The following CLNK variants were observed in gnomAD, a reference collection of about 807,000 sequenced individuals.
CLNK encodes the protein cytokine dependent hematopoietic cell linker.
A neutral mutation model predicts 68.6 loss-of-function variants in CLNK; 74 were observed. That is an observed-to-expected ratio of 1.08 (90% CI 0.89 to 1.31). The LOEUF (loss-of-function observed/expected upper bound fraction) is 1.31. Among genes scored for constraint, CLNK ranks in the 50% most tolerant of loss-of-function variants. The pLI is 0.00. For missense variants in CLNK, 553 were observed against 515.3 expected (o/e 1.07, Z -0.71); for synonymous variants, 198 against 172.2 (o/e 1.15, Z -1.17).
rs1442829225 is a variant in CLNK, at chr4:10,507,992, C to T, written c.951G>A (p.Gln317=). 2 of 1,610,698 alleles carry T rather than the reference C, an allele frequency of 1.2e-6. No individual in the cohort carries two copies. The highest frequency in any genetic ancestry group is 2.2e-5 in the East Asian group (1 of 44,864). Reference sequence around the variant, plus strand: ...CCTTCATGAATGCCTCTTCCACTGCCTGGCGGCTGTATTCTCCAATGTACC... The same window carrying T: ...CCTTCATGAATGCCTCTTCCACTGCTTGGCGGCTGTATTCTCCAATGTACC... ...NEWYIGEYSR[Q]AVEEAFMKEN... is the part of the protein sequence containing the mutation. The change falls in exon 17 of 19, where the codon CAG becomes CAA. Residue 317 remains glutamine (Q), a synonymous_variant. Coordinates refer to ENST00000226951, the MANE Select transcript of CLNK (RefSeq NM_052964.4).
the CLNK span, among the ~76,000 whole-genome samples, chr4:10,727,928 T>C: frequency 6.6e-6 from 1 of 152,212 alleles, no homozygotes; most frequent in Admixed American, 6.5e-5. Context: ...CAATTTTTTT[T>C]AACAAGCTCT....
chr4:10,540,763 C>T (rs1718980830), intron 10 of CLNK, among the ~76,000 whole-genome samples, 159 bp from the exon 11 acceptor site: 1 of 152,144 alleles, frequency 6.6e-6, no homozygotes. Flanking sequence ...TGGTCTGGCA[C>T]TGTTTTCTAA....
At chr4:10,522,572 CA>C (rs58663693) in intron 14 of CLNK, among the ~76,000 whole-genome samples, 2,192 of 116,354 alleles carry the variant, frequency 0.019, 60 homozygotes, top group African/African-American at 0.068. Context: ...GAAACTCTCT[CA>C]AAAAAAAAAA....
At chr4:10,672,458 C>A (rs1160847140) in intron 1 of CLNK, among the ~76,000 whole-genome samples, 2 of 152,070 alleles carry the variant, frequency 1.3e-5, no homozygotes, top group African/African-American at 4.8e-5. Context: ...TGAAAAAATA[C>A]CATATCTAAG....
At chr4:10,700,482 C>G in the CLNK span, among the ~76,000 whole-genome samples, 66 of 152,298 alleles carry the variant, frequency 4.3e-4, 1 homozygote, top group East Asian at 0.012. Flanking sequence ...CAGGGGTTCA[C>G]AGTTTCCAAA....
intron 2 of CLNK, among the ~76,000 whole-genome samples, chr4:10,665,684 G>C (rs1200916819): frequency 7.9e-6 from 1 of 125,822 alleles, no homozygotes; most frequent in South Asian, 2.6e-4. Flanking sequence ...AAAAAAAAAA[G>C]GCACAGAAGC....
intron 2 of CLNK, among the ~76,000 whole-genome samples, chr4:10,643,244 TCA>T (rs941763536): frequency 9.9e-5 from 15 of 152,246 alleles, no homozygotes; most frequent in African/African-American, 3.4e-4. Context: ...TCATATGACT[TCA>T]CACTCATGAG....
chr4:10,686,082 A>C (rs1173858682), upstream of CLNK, among the ~76,000 whole-genome samples: 3 of 152,160 alleles, frequency 2.0e-5, no homozygotes, highest in Non-Finnish European at 4.4e-5. Context: ...GAGATCAAGG[A>C]GTCGGCAAGG....
chr4:10,658,458 G>A (rs962818731), intron 2 of CLNK, among the ~76,000 whole-genome samples: 1 of 152,134 alleles, frequency 6.6e-6, no homozygotes, highest in African/African-American at 2.4e-5. Context: ...TATCTCTCCT[G>A]GTTCTCAGCT....
At chr4:10,717,599 A>G in the CLNK span, among the ~76,000 whole-genome samples, 1 of 152,266 alleles carries the variant, frequency 6.6e-6, no homozygotes, top group South Asian at 2.1e-4. Context: ...CCAAAAAACA[A>G]AACAGAAAAG....
chr4:10,726,212 C>G, the CLNK span, among the ~76,000 whole-genome samples: 1 of 152,290 alleles, frequency 6.6e-6, no homozygotes, highest in South Asian at 2.1e-4. Context: ...ACCTCTGCCT[C>G]TCGGGTTCAA....
chr4:10,672,416 C>T (rs1375488353), intron 1 of CLNK, among the ~76,000 whole-genome samples: 1 of 152,276 alleles, frequency 6.6e-6, no homozygotes. Flanking sequence ...GGTAATACAA[C>T]AGCTACCCTT....
At chr4:10,588,187 G>A (rs527571513) in intron 3 of CLNK, among the ~76,000 whole-genome samples, 1 of 152,290 alleles carries the variant, frequency 6.6e-6, no homozygotes, top group South Asian at 2.1e-4. Flanking sequence ...AGCATCCAAC[G>A]CAGGCGGCAT....
chr4:10,603,267 T>G (rs1453656375), intron 2 of CLNK, among the ~76,000 whole-genome samples: 2 of 152,200 alleles, frequency 1.3e-5, no homozygotes, highest in Admixed American at 6.5e-5. Context: ...TACAGTTTGA[T>G]TTTTGGCACA....
At chr4:10,733,833 T>A in the CLNK span, among the ~76,000 whole-genome samples, 1 of 152,250 alleles carries the variant, frequency 6.6e-6, no homozygotes, top group Non-Finnish European at 1.5e-5. Context: ...TGCAGCAATG[T>A]GTTCCAGCCC....
At chr4:10,528,528 G>T (rs894598104) in intron 12 of CLNK, among the ~76,000 whole-genome samples, 1 of 152,098 alleles carries the variant, frequency 6.6e-6, no homozygotes, top group Admixed American at 6.6e-5. Flanking sequence ...AACAATCTAT[G>T]TGCCCAGATA....
In CLNK at chr4:10,584,961, G is replaced by C; in HGVS notation, c.84-6C>G. On this transcript the variant is annotated splice_region_variant and splice_polypyrimidine_tract_variant and intron_variant, in intron 3 of 18. Coordinates refer to ENST00000226951, the MANE Select transcript of CLNK (RefSeq NM_052964.4). The stretch of plus-strand genomic sequence containing the variant: ...TATTGATGCGAGGCCATGACCTAGG[G>C]CAGAAAAGAGAACCAAGTTAAATGT... 1.2e-6 allele frequency: 2 copies of C among 1,613,512 alleles called. No individual in the cohort carries two copies. The highest frequency in any genetic ancestry group is 1.6e-4 in the Middle Eastern group (1 of 6,062).
chr4:10,523,458 G>A (rs924038127), intron 14 of CLNK, among the ~76,000 whole-genome samples: 2 of 152,182 alleles, frequency 1.3e-5, no homozygotes, highest in African/African-American at 4.8e-5. Flanking sequence ...AGGCCTTAGA[G>A]ATAGTAAAGA....
intron 4 of CLNK, among the ~76,000 whole-genome samples, chr4:10,572,954 G>A (rs1374318236): frequency 2.0e-5 from 3 of 151,962 alleles, no homozygotes; most frequent in Non-Finnish European, 2.9e-5. Flanking sequence ...TCAGCCTCCC[G>A]AGTGGCTGGG....
Sources: allele counts gnomAD v4.1 joint callset (sites outside exome capture counted in the v4.1 genomes callset), GRCh38; gene constraint gnomAD v4.1.1; transcripts MANE v1.5; gene names NCBI Gene and HGNC (gene_info 2026-07-23, HGNC 2026-07-21).